The following HEPACAM variants were observed in gnomAD, a reference collection of about 807,000 sequenced individuals.
HEPACAM encodes hepatocyte cell adhesion molecule.
In HEPACAM, 18 loss-of-function variants were observed where a neutral mutation model predicts 38.3. The ratio of observed to expected loss-of-function variants is 0.47; its 90% CI spans 0.33 to 0.70. The LOEUF (loss-of-function observed/expected upper bound fraction) is 0.70, where lower values mean the gene tolerates loss of function less well. HEPACAM is among the 30% of genes least tolerant of loss of function. The pLI, the probability that HEPACAM is intolerant of heterozygous loss-of-function variation, is 0.03. For missense variants in HEPACAM, 466 were observed against 563.0 expected (o/e 0.83, Z 1.74); for synonymous variants, 216 against 243.1 (o/e 0.89, Z 1.04).
chr11:124,921,768 G>A lies in HEPACAM; in HGVS notation c.949-328C>T, dbSNP rs1241648537. ...GAAATCACCAGAACTGGTGTCCAAA[G>A]ACCTAGGTTTGAAACCTAGATCTGC... On this transcript the variant is annotated intron_variant, in intron 6 of 6. Coordinates refer to ENST00000298251, the MANE Select transcript of HEPACAM (RefSeq NM_152722.5). The surrounding 1 kb of genome is among the most constrained non-coding windows in gnomAD (Gnocchi z 4.6). Among the ~76,000 whole-genome samples, 1 of 152,208 alleles carries A rather than the reference G, an allele frequency of 6.6e-6. No individual in the cohort carries two copies. Among genetic ancestry groups the A allele is most frequent in the Non-Finnish European group, 1.5e-5 (1 of 68,038 alleles).
Position 124,936,031 on chromosome 11 carries a change from G to A in HEPACAM, c.-25C>T. 6.2e-7 allele frequency: 1 copy of A among 1,600,824 alleles called. No homozygotes were observed. The highest frequency in any genetic ancestry group is 8.6e-7 in the Non-Finnish European group (1 of 1,168,334). On this transcript the variant is annotated 5_prime_UTR_variant, in exon 1 of 7. Coordinates refer to ENST00000298251, the MANE Select transcript of HEPACAM (RefSeq NM_152722.5). ...TTTTGGGTGGCGTTCTCCAGCTCTA[G>A]TGCAGACAATTAGCATGATTTCTCC... is the stretch of plus-strand genomic sequence containing the variant.
chr11:124,924,398 G>A lies in HEPACAM; in HGVS notation c.427+330C>T, dbSNP rs1053782780. ...AATCTTGGCTCTATCACTTCTAGCT[G>A]TGTGACCTTGGGCAAGTTATTCAAC... On this transcript the variant is annotated intron_variant, in intron 2 of 6. Transcript: ENST00000298251. This position sits in a 1 kb window ranked among gnomAD's most constrained non-coding sequence, Gnocchi z 4.4. Among the ~76,000 whole-genome samples, 4 of 152,178 alleles carry A rather than the reference G, an allele frequency of 2.6e-5. No homozygotes were observed. The highest frequency in any genetic ancestry group is 4.8e-5 in the African/African-American group (2 of 41,430).
chr11:124,922,349 C>G (rs1289789947), intron 6 of HEPACAM, 39 bp downstream of exon 6: 1 of 1,563,502 alleles, frequency 6.4e-7, no homozygotes, highest in Non-Finnish European at 8.8e-7. Context: ...GGGAGGGGAT[C>G]ACTGCATGTT....
intron 4 of HEPACAM, among the ~76,000 whole-genome samples, 187 bp from the exon 5 acceptor site, chr11:124,923,005 G>A (rs1947160589): frequency 6.6e-6 from 1 of 152,158 alleles, no homozygotes. Context: ...CACTAGCGTT[G>A]TGACTGTGGG....
chr11:124,922,243 T>A, intron 6 of HEPACAM, 145 bp downstream of exon 6: 1 of 860,598 alleles, frequency 1.2e-6, no homozygotes, highest in Non-Finnish European at 2.0e-6. Context: ...ATGGAAAAAT[T>A]TTCTTCCTTG....
chr11:124,926,598 C>CTGA (rs1947212719), intron 1 of HEPACAM, among the ~76,000 whole-genome samples: 1 of 152,126 alleles, frequency 6.6e-6, no homozygotes, highest in African/African-American at 2.4e-5. Context: ...CTGGAGAGGA[C>CTGA]GCCGGTTGGG....
intron 6 of HEPACAM, 107 bp downstream of exon 6, chr11:124,922,281 G>A (rs1459182429): frequency 1.1e-5 from 13 of 1,206,016 alleles, no homozygotes; most frequent in Admixed American, 6.7e-5. Flanking sequence ...CAAAACCGTT[G>A]GGGACTGCTG....
chr11:124,924,575 G>C lies in HEPACAM; in HGVS notation c.427+153C>G, dbSNP rs1947182666. 1.3e-6 allele frequency: 1 copy of C among 768,782 alleles called. No individual in the cohort carries two copies. Among genetic ancestry groups the C allele is most frequent in the South Asian group, 1.4e-5 (1 of 72,692 alleles). The allele number at this position is 768,782 out of a possible 1,614,324, so 47.6% of individuals were successfully genotyped here. A position where few individuals can be genotyped will look rare whatever the true frequency, so the allele number is the denominator to read the frequency against. On this transcript the variant is annotated intron_variant, in intron 2 of 6. Transcript: ENST00000298251. The surrounding 1 kb of genome is among the most constrained non-coding windows in gnomAD (Gnocchi z 4.4). ...TCACTCTACATGTTAGCTGTGCTGT[G>C]CCTGTCTGCCAACTTCTAATGTCCA...
chr11:124,924,671 G>C lies in HEPACAM; in HGVS notation c.427+57C>G. ...CTCAGTCTAGCTGGTGCGCTGGGCA[G>C]ACCTTTCCCTAGTCCCACCTGCCAG... On this transcript the variant is annotated intron_variant, in intron 2 of 6. Transcript: ENST00000298251. The surrounding 1 kb of genome is among the most constrained non-coding windows in gnomAD (Gnocchi z 4.4). The C allele has an allele frequency of 6.7e-7, 1 of 1,486,934 alleles. No homozygotes were observed. The highest frequency in any genetic ancestry group is 9.4e-7 in the Non-Finnish European group (1 of 1,065,838). The allele number at this position is 1,486,934 out of a possible 1,614,324, so 92.1% of individuals were successfully genotyped here. A position where few individuals can be genotyped will look rare whatever the true frequency, so the allele number is the denominator to read the frequency against.
Position 124,920,742 on chromosome 11 carries a change from A to G in HEPACAM, c.*396T>C. The G allele has an allele frequency of 9.7e-7, 1 of 1,029,118 alleles. No individual in the cohort carries two copies. Among genetic ancestry groups the G allele is most frequent in the Non-Finnish European group, 1.2e-6 (1 of 860,892 alleles). The allele number at this position is 1,029,118 out of a possible 1,614,324, so 63.7% of individuals were successfully genotyped here. On this transcript the variant is annotated 3_prime_UTR_variant, in exon 7 of 7. Coordinates refer to ENST00000298251, the MANE Select transcript of HEPACAM (RefSeq NM_152722.5). Reference sequence around the variant, plus strand: ...AGCACTCAGGCATTTGTTCAGAGGGAAGGGTGGTGGGTGGGAAACAACACA... The same window carrying G: ...AGCACTCAGGCATTTGTTCAGAGGGGAGGGTGGTGGGTGGGAAACAACACA...
Position 124,923,438 on chromosome 11 carries a change from G to A in HEPACAM, c.710-5C>T. On this transcript the variant is annotated splice_region_variant and splice_polypyrimidine_tract_variant and intron_variant, in intron 3 of 6. Transcript: ENST00000298251. Reference sequence around the variant, plus strand: ...TGATGTAAAGGGAGCTTCTTCCTAGGGAGAGAGAGAAGCAGAGAGGCAGGA... The same window carrying A: ...TGATGTAAAGGGAGCTTCTTCCTAGAGAGAGAGAGAAGCAGAGAGGCAGGA... 1 of 1,589,842 alleles carries A rather than the reference G, an allele frequency of 6.3e-7. No homozygotes were observed. The highest frequency in any genetic ancestry group is 8.6e-7 in the Non-Finnish European group (1 of 1,158,232).
chr11:124,922,052 G>A (rs1007481641), intron 6 of HEPACAM, among the ~76,000 whole-genome samples: 2 of 152,164 alleles, frequency 1.3e-5, no homozygotes, highest in Non-Finnish European at 2.9e-5. Flanking sequence ...TTGCATTATC[G>A]CCTGAGCTCC....
In HEPACAM at chr11:124,920,316, G is replaced by T; in HGVS notation, c.*822C>A. On this transcript the variant is annotated 3_prime_UTR_variant, in exon 7 of 7. Coordinates refer to ENST00000298251, the MANE Select transcript of HEPACAM (RefSeq NM_152722.5). Reference sequence around the variant, plus strand: ...CATTTGGTCTAGTTTTCGGGCCAGGGGAGTAAGTGAAATTCACTTCTCTAT... The same window carrying T: ...CATTTGGTCTAGTTTTCGGGCCAGGTGAGTAAGTGAAATTCACTTCTCTAT... The T allele has an allele frequency of 2.2e-6, 3 of 1,362,670 alleles. No individual in the cohort carries two copies. The highest frequency in any genetic ancestry group is 3.0e-6 in the Non-Finnish European group (3 of 992,520). The allele number at this position is 1,362,670 out of a possible 1,614,324, so 84.4% of individuals were successfully genotyped here.
intron 1 of HEPACAM, among the ~76,000 whole-genome samples, chr11:124,925,586 C>T (rs775417187): frequency 5.3e-5 from 8 of 152,070 alleles, no homozygotes; most frequent in Non-Finnish European, 7.4e-5. Flanking sequence ...AAGAAAGGAG[C>T]GGGTCGTGAG....
In HEPACAM at chr11:124,920,308, G is replaced by A. The variant is rs367649640; in HGVS notation, c.*830C>T. On this transcript the variant is annotated 3_prime_UTR_variant, in exon 7 of 7. Transcript: ENST00000298251. ...CAGTTCCTCATTTGGTCTAGTTTTC[G>A]GGCCAGGGGAGTAAGTGAAATTCAC... The A allele has an allele frequency of 4.6e-6, 6 of 1,296,544 alleles. No individual in the cohort carries two copies. The African/African-American group carries it at 6.0e-5, about 13-fold the overall frequency. The allele number at this position is 1,296,544 out of a possible 1,614,324, so 80.3% of individuals were successfully genotyped here.
chr11:124,919,854 G>C lies in HEPACAM; in HGVS notation c.*1284C>G, dbSNP rs1409495534. Reference sequence around the variant, plus strand: ...GGACCCTTGGAGGCATTAAGGAGGAGGGAATGGAATACACAGAGGGCCTCC... The same window carrying C: ...GGACCCTTGGAGGCATTAAGGAGGACGGAATGGAATACACAGAGGGCCTCC... On this transcript the variant is annotated 3_prime_UTR_variant, in exon 7 of 7. Transcript: ENST00000298251. The C allele has an allele frequency of 6.2e-7, 1 of 1,614,146 alleles. No homozygotes were observed. The highest frequency in any genetic ancestry group is 8.5e-7 in the Non-Finnish European group (1 of 1,180,002).
intron 1 of HEPACAM, 73 bp from the exon 2 acceptor site, chr11:124,925,142 C>T: frequency 8.3e-7 from 1 of 1,197,648 alleles, no homozygotes; most frequent in Non-Finnish European, 1.2e-6. Context: ...CAACTTTAAG[C>T]CCTCTGATCT....
intron 1 of HEPACAM, among the ~76,000 whole-genome samples, chr11:124,925,784 A>G (rs1400745395): frequency 6.6e-6 from 1 of 152,200 alleles, no homozygotes; most frequent in African/African-American, 2.4e-5. Context: ...TACCCCTAGA[A>G]GAAGGATTTG....
rs190564671 is a variant in HEPACAM at position 124,921,992 on chromosome 11, G to T, written c.948+396C>A. The stretch of plus-strand genomic sequence containing the variant: ...GGAGCGGCAGAGCAGGAGGTGAGCG[G>T]TAGGCCAGAGAGCAAAGCTTCATAT... On this transcript the variant is annotated intron_variant, in intron 6 of 6. Transcript: ENST00000298251. This position sits in a 1 kb window ranked among gnomAD's most constrained non-coding sequence, Gnocchi z 4.6. Among the ~76,000 whole-genome samples, 1 of 152,352 alleles carries T rather than the reference G, an allele frequency of 6.6e-6. No homozygotes were observed. Among genetic ancestry groups the T allele is most frequent in the Admixed American group, 6.5e-5 (1 of 15,310 alleles).
Sources: allele counts gnomAD v4.1 joint callset (sites outside exome capture counted in the v4.1 genomes callset), GRCh38; gene constraint gnomAD v4.1.1; non-coding constraint Gnocchi (gnomAD v3.1); transcripts MANE v1.5; gene names NCBI Gene and HGNC (gene_info 2026-07-23, HGNC 2026-07-21).